Variants in ARHGAP15 observed in about 807,000 individuals in gnomAD.
The protein encoded by ARHGAP15 is Rho GTPase activating protein 15.
Under a neutral mutation model 63.7 loss-of-function variants are expected in ARHGAP15, and 51 were observed. The observed-to-expected ratio is 0.80, with a 90% CI of 0.64 to 1.01. ARHGAP15 has a LOEUF of 1.01. ARHGAP15 is among the 50% of genes least tolerant of loss of function. ARHGAP15 has a pLI of 0.00. For missense variants in ARHGAP15, 560 were observed against 564.6 expected (o/e 0.99, Z 0.08); for synonymous variants, 191 against 193.8 (o/e 0.99, Z 0.12).
At chr2:143,449,992 C>T (rs1252045995) in intron 8 of ARHGAP15, among the ~76,000 whole-genome samples, 1 of 151,398 alleles carries the variant, frequency 6.6e-6, no homozygotes, top group Non-Finnish European at 1.5e-5. Context: ...TGCCTAGATT[C>T]ACTTCACTTA....
intron 1 of ARHGAP15, among the ~76,000 whole-genome samples, chr2:143,144,799 G>C (rs1689512492): frequency 6.6e-6 from 1 of 151,938 alleles, no homozygotes; most frequent in African/African-American, 2.4e-5. Flanking sequence ...AAATTAATTA[G>C]AGCAGTAATA....
intron 6 of ARHGAP15, among the ~76,000 whole-genome samples, chr2:143,258,344 A>AGCAAT (rs757723840): frequency 6.6e-6 from 1 of 152,100 alleles, no homozygotes; most frequent in Non-Finnish European, 1.5e-5. Flanking sequence ...GAAACCTCAG[A>AGCAAT]GCAATGTTTA....
chr2:143,762,835 AG>A (rs1223624553), intron 13 of ARHGAP15, among the ~76,000 whole-genome samples: 20 of 152,176 alleles, frequency 1.3e-4, no homozygotes, highest in Admixed American at 1.3e-3. Context: ...GAAGCATATC[AG>A]AGAAATGGTG....
At chr2:143,338,054 G>A (rs1460559706) in intron 6 of ARHGAP15, among the ~76,000 whole-genome samples, 2 of 152,062 alleles carry the variant, frequency 1.3e-5, no homozygotes, top group African/African-American at 4.8e-5. Flanking sequence ...TTAAGATATG[G>A]TGAGCATTAA....
At chr2:143,694,708 ACT>A (rs1362361929) in intron 12 of ARHGAP15, among the ~76,000 whole-genome samples, 2 of 152,118 alleles carry the variant, frequency 1.3e-5, no homozygotes, top group African/African-American at 4.8e-5. Flanking sequence ...TTAATTAATA[ACT>A]CTCTCTGCTC....
chr2:143,453,654 G>C (rs1690510151), intron 8 of ARHGAP15, among the ~76,000 whole-genome samples: 1 of 151,864 alleles, frequency 6.6e-6, no homozygotes, highest in Non-Finnish European at 1.5e-5. Context: ...ATAGTATATT[G>C]AGTGCCTTAC....
intron 13 of ARHGAP15, among the ~76,000 whole-genome samples, chr2:143,740,214 C>T (rs530592007): frequency 2.7e-4 from 41 of 152,198 alleles, no homozygotes; most frequent in African/African-American, 8.9e-4. Context: ...ACAAGATGAG[C>T]GTAATTATAT....
intron 6 of ARHGAP15, among the ~76,000 whole-genome samples, chr2:143,396,117 T>C (rs1031955054): frequency 1.3e-5 from 2 of 152,152 alleles, no homozygotes; most frequent in Non-Finnish European, 1.5e-5. Context: ...ATTTCTCTCT[T>C]AAAATTTTAC....
chr2:143,513,842 A>T (rs6736814), intron 9 of ARHGAP15, among the ~76,000 whole-genome samples: 149,063 of 152,216 alleles, frequency 0.98, 73,068 homozygotes, highest in East Asian at 1. Flanking sequence ...TCTTGCCATG[A>T]CAGGTTTATT....
Position 143,320,412 on chromosome 2 carries a change from C to CCCCCCCCCCG in ARHGAP15, c.474+69821_474+69822insGCCCCCCCCC, listed in dbSNP as rs1683962265. Among the ~76,000 whole-genome samples the CCCCCCCCCCG allele has an allele frequency of 6.9e-4, 35 of 50,986 alleles. 1 individual carries two copies. The highest frequency in any genetic ancestry group is 1.1e-3 in the African/African-American group (21 of 18,488). 33.4% of individuals were successfully genotyped at this position (50,986 alleles called of 152,430 possible). On this transcript the variant is annotated intron_variant, in intron 6 of 13. Transcript: ENST00000295095. ...GCCACAAATCAGGACTTCCCCACCC[C>CCCCCCCCCCG]CCCCCCCCCCAGAGATCCTATGATA...
intron 10 of ARHGAP15, among the ~76,000 whole-genome samples, chr2:143,541,338 C>G (rs1695041680): frequency 6.6e-6 from 1 of 151,768 alleles, no homozygotes; most frequent in Admixed American, 6.6e-5. Flanking sequence ...TCCTTTAGCT[C>G]AGAGTAATTT....
chr2:143,519,507 T>C, intron 10 of ARHGAP15, 143 bp downstream of exon 10: 1 of 528,466 alleles, frequency 1.9e-6, no homozygotes, highest in South Asian at 2.7e-5. Context: ...AGGATCATCT[T>C]TCTTATTAAC....
intron 8 of ARHGAP15, among the ~76,000 whole-genome samples, chr2:143,438,249 G>GTACATATA (rs200982456): frequency 6.6e-6 from 1 of 151,840 alleles, no homozygotes; most frequent in Non-Finnish European, 1.5e-5. Context: ...GAATATATGT[G>GTACATATA]TACATATATA....
At chr2:143,289,757 T>C (rs1682294959) in intron 6 of ARHGAP15, among the ~76,000 whole-genome samples, 2 of 152,166 alleles carry the variant, frequency 1.3e-5, no homozygotes, top group Admixed American at 1.3e-4. Flanking sequence ...TTATTACTTG[T>C]CCTTTCAATT....
chr2:143,371,808 T>A (rs72997699), intron 6 of ARHGAP15, among the ~76,000 whole-genome samples: 9,251 of 152,176 alleles, frequency 0.061, 919 homozygotes, highest in African/African-American at 0.21. Context: ...TAAGACTTCA[T>A]TGAGTTTTCA....
chr2:143,403,653 G>A lies in ARHGAP15; in HGVS notation c.475-31948G>A, dbSNP rs75764092. On this transcript the variant is annotated intron_variant, in intron 6 of 13. Transcript: ENST00000295095. ...GCCCAGCAATGGAAGAAATATATGC[G>A]TGAGATATGAAAACAGACCAGAAAA... Among the ~76,000 whole-genome samples, 573 of 151,938 alleles carry A rather than the reference G, an allele frequency of 3.8e-3. 1 individual carries two copies. The highest frequency in any genetic ancestry group is 0.013 in the African/African-American group (526 of 41,494).
intron 11 of ARHGAP15, among the ~76,000 whole-genome samples, chr2:143,570,290 C>A (rs148253109): frequency 2.6e-5 from 4 of 152,156 alleles, no homozygotes; most frequent in African/African-American, 7.2e-5. Flanking sequence ...GAACCTCCCC[C>A]CAAACCACAA....
At chr2:143,537,063 A>T (rs1425487442) in intron 10 of ARHGAP15, among the ~76,000 whole-genome samples, 3 of 152,060 alleles carry the variant, frequency 2.0e-5, no homozygotes, top group Admixed American at 6.5e-5. Context: ...AATGATTGCC[A>T]TTCTAACTGG....
chr2:143,208,715 T>C (rs1018998188), intron 3 of ARHGAP15, among the ~76,000 whole-genome samples: 9 of 152,210 alleles, frequency 5.9e-5, no homozygotes, highest in African/African-American at 1.9e-4. Context: ...TTGTATATTC[T>C]ATATTATAAC....
Sources: allele counts gnomAD v4.1 joint callset (sites outside exome capture counted in the v4.1 genomes callset), GRCh38; gene constraint gnomAD v4.1.1; transcripts MANE v1.5; gene names NCBI Gene and HGNC (gene_info 2026-07-23, HGNC 2026-07-21).